The following TRABD2B variants were observed in gnomAD, a reference collection of about 807,000 sequenced individuals.
The protein encoded by TRABD2B is TraB domain containing 2B.
Under a neutral mutation model 40.1 loss-of-function variants are expected in TRABD2B, and 14 were observed. That is an observed-to-expected ratio of 0.35 (90% CI 0.23 to 0.55). TRABD2B has a LOEUF of 0.55. TRABD2B is among the 20% of genes least tolerant of loss of function. The pLI is 0.90. For missense variants in TRABD2B, 541 were observed against 648.6 expected (o/e 0.83, Z 1.80); for synonymous variants, 263 against 277.0 (o/e 0.95, Z 0.50).
At chr1:47,834,634 TG>T (rs1387812096) in intron 2 of TRABD2B, among the ~76,000 whole-genome samples, 2 of 152,000 alleles carry the variant, frequency 1.3e-5, no homozygotes, top group African/African-American at 4.8e-5. Flanking sequence ...AGGGACTTAC[TG>T]GTTCCAGACG....
chr1:47,994,700 G>A lies in TRABD2B; in HGVS notation c.103-103C>T. On this transcript the variant is annotated intron_variant, in intron 1 of 6. Coordinates refer to ENST00000606738, the MANE Select transcript of TRABD2B (RefSeq NM_001194986.2). This position sits in a 1 kb window ranked among gnomAD's most constrained non-coding sequence, Gnocchi z 6.7. ...CAGAGGGAGGTGGGGATGGGAGGCA[G>A]AGACCATACACAGGCCGTGGTAAAG... 9.6e-7 allele frequency: 1 copy of A among 1,046,858 alleles called. No homozygotes were observed. The highest frequency in any genetic ancestry group is 2.5e-5 in the Admixed American group (1 of 40,790). 64.8% of individuals were successfully genotyped at this position (1,046,858 alleles called of 1,614,324 possible).
At chr1:47,843,316 T>C (rs1645424583) in intron 2 of TRABD2B, among the ~76,000 whole-genome samples, 1 of 151,910 alleles carries the variant, frequency 6.6e-6, no homozygotes, top group Non-Finnish European at 1.5e-5. Context: ...TCCAGCGGCT[T>C]ATGAGAGAAG....
At chr1:47,933,221 T>C (rs932021289) in intron 2 of TRABD2B, among the ~76,000 whole-genome samples, 14 of 151,782 alleles carry the variant, frequency 9.2e-5, no homozygotes, top group Non-Finnish European at 1.9e-4. Context: ...TTCTCCTGCC[T>C]CAGCCTCCTG....
At position 47,994,662 on chromosome 1, in the gene TRABD2B, C is replaced by A. The variant is rs1646064753; in HGVS notation, c.103-65G>T. The A allele has an allele frequency of 1.4e-6, 2 of 1,425,472 alleles. No individual in the cohort carries two copies. The highest frequency in any genetic ancestry group is 2.8e-5 in the African/African-American group (2 of 70,752). 88.3% of individuals were successfully genotyped at this position (1,425,472 alleles called of 1,614,324 possible). The stretch of plus-strand genomic sequence containing the variant: ...GCAACAGAGTAGAGTCAGGGTAGCC[C>A]AGAGGCACGTTGCAGAGGGAGGTGG... On this transcript the variant is annotated intron_variant, in intron 1 of 6. Transcript: ENST00000606738. The surrounding 1 kb of genome is among the most constrained non-coding windows in gnomAD (Gnocchi z 6.7).
intron 2 of TRABD2B, among the ~76,000 whole-genome samples, chr1:47,913,216 G>C (rs1056353129): frequency 9.2e-5 from 14 of 152,124 alleles, no homozygotes; most frequent in African/African-American, 3.4e-4. Flanking sequence ...GTAGCTCCCA[G>C]GTTCACTCTC....
At chr1:47,956,387 T>A (rs559033066) in intron 2 of TRABD2B, among the ~76,000 whole-genome samples, 258 of 152,258 alleles carry the variant, frequency 1.7e-3, no homozygotes, top group African/African-American at 6.0e-3. Flanking sequence ...CCATGGAGCA[T>A]GAGCTGAAGC....
intron 2 of TRABD2B, among the ~76,000 whole-genome samples, chr1:47,933,341 T>C (rs1202139262): frequency 1.3e-5 from 2 of 152,022 alleles, no homozygotes; most frequent in Non-Finnish European, 2.9e-5. Flanking sequence ...CTCGATCTCC[T>C]GACCTTGTGA....
chr1:47,797,651 G>A (rs941209155), intron 3 of TRABD2B, among the ~76,000 whole-genome samples: 1 of 152,116 alleles, frequency 6.6e-6, no homozygotes, highest in African/African-American at 2.4e-5. Context: ...GGGCTGGCCA[G>A]CCGCTGGCCA....
At chr1:47,905,205 A>C (rs1208826988) in intron 2 of TRABD2B, among the ~76,000 whole-genome samples, 1 of 152,270 alleles carries the variant, frequency 6.6e-6, no homozygotes, top group Non-Finnish European at 1.5e-5. Flanking sequence ...CATCTGGCTC[A>C]TGCCTGGAGG....
At chr1:47,846,508 C>T (rs1186357226) in intron 2 of TRABD2B, among the ~76,000 whole-genome samples, 1 of 152,154 alleles carries the variant, frequency 6.6e-6, no homozygotes, top group Admixed American at 6.5e-5. Flanking sequence ...TCTTCATTTC[C>T]TCACCTGTGG....
At chr1:47,800,032 C>CTTCA (rs1453629479) in intron 3 of TRABD2B, among the ~76,000 whole-genome samples, 4 of 103,864 alleles carry the variant, frequency 3.9e-5, no homozygotes, top group South Asian at 2.8e-4. Flanking sequence ...TCCTTCCTTC[C>CTTCA]TTCATTCATT....
intron 2 of TRABD2B, among the ~76,000 whole-genome samples, chr1:47,912,960 C>T (rs531352466): frequency 1.3e-5 from 2 of 152,270 alleles, no homozygotes; most frequent in African/African-American, 4.8e-5. Flanking sequence ...TAATCCGGAA[C>T]CCCCTGTGCC....
chr1:47,920,068 TTG>T (rs1427172682), intron 2 of TRABD2B, among the ~76,000 whole-genome samples: 1 of 152,164 alleles, frequency 6.6e-6, no homozygotes, highest in Admixed American at 6.5e-5. Flanking sequence ...TACTTTCTAG[TTG>T]TGTGTGAGAC....
At position 47,846,857 on chromosome 1, in the gene TRABD2B, TACACACACACACAC is replaced by T. The variant is rs67359073; in HGVS notation, c.667-45252_667-45239del. Among the ~76,000 whole-genome samples the T allele has an allele frequency of 7.5e-5, 8 of 106,504 alleles. No individual in the cohort carries two copies. In the East Asian group the frequency reaches 1.1e-3, roughly 14 times the overall value. The allele number at this position is 106,504 out of a possible 152,430, so 69.9% of individuals were successfully genotyped here. A position where few individuals can be genotyped will look rare whatever the true frequency, so the allele number is the denominator to read the frequency against. On this transcript the variant is annotated intron_variant, in intron 2 of 6. Coordinates refer to ENST00000606738, the MANE Select transcript of TRABD2B (RefSeq NM_001194986.2). Reference sequence around the variant, plus strand: ...AGGCCAGGTTAAGTTAAAACATGCATACACACACACACACACACACACACACACACACACACACA... The same window carrying T: ...AGGCCAGGTTAAGTTAAAACATGCATACACACACACACACACACACACACA...
intron 2 of TRABD2B, among the ~76,000 whole-genome samples, chr1:47,988,958 A>C (rs1645960879): frequency 6.6e-6 from 1 of 152,214 alleles, no homozygotes; most frequent in East Asian, 1.9e-4. Context: ...CAAGGTGATG[A>C]TATGAAGAGG....
intron 2 of TRABD2B, among the ~76,000 whole-genome samples, chr1:47,961,346 G>A (rs1645512297): frequency 6.6e-6 from 1 of 152,152 alleles, no homozygotes; most frequent in South Asian, 2.1e-4. Flanking sequence ...GGCAACAAAA[G>A]CCAAAATTGA....
chr1:47,863,994 T>C (rs989334967), intron 2 of TRABD2B, among the ~76,000 whole-genome samples: 19 of 152,080 alleles, frequency 1.2e-4, no homozygotes, highest in African/African-American at 4.6e-4. Flanking sequence ...AAGAAGCCAA[T>C]CTGGAAAGAT....
chr1:47,825,100 G>A (rs1007639771), intron 2 of TRABD2B, among the ~76,000 whole-genome samples: 1 of 152,202 alleles, frequency 6.6e-6, no homozygotes, highest in African/African-American at 2.4e-5. Context: ...AGCAGGGACT[G>A]GATGTCTTTG....
intron 2 of TRABD2B, among the ~76,000 whole-genome samples, chr1:47,923,955 C>G (rs1320340218): frequency 7.1e-6 from 1 of 141,710 alleles, no homozygotes; most frequent in East Asian, 2.1e-4. Flanking sequence ...CACACACACA[C>G]ACACACACAC....
Sources: allele counts gnomAD v4.1 joint callset (sites outside exome capture counted in the v4.1 genomes callset), GRCh38; gene constraint gnomAD v4.1.1; non-coding constraint Gnocchi (gnomAD v3.1); transcripts MANE v1.5; gene names NCBI Gene and HGNC (gene_info 2026-07-23, HGNC 2026-07-21).